DIMT1: variants seen among roughly 807,000 people sequenced by gnomAD.
DIMT1 encodes the protein dimethyladenosine transferase.
In DIMT1, 36 loss-of-function variants were observed where a neutral mutation model predicts 43.2. The ratio of observed to expected loss-of-function variants is 0.83; its 90% CI spans 0.64 to 1.10. The LOEUF (loss-of-function observed/expected upper bound fraction) is 1.10. Ranked by LOEUF, DIMT1 falls within the 50% of genes least tolerant of loss-of-function variation. DIMT1 has a pLI of 0.00. For missense variants in DIMT1, 341 were observed against 385.3 expected (o/e 0.88, Z 0.96); for synonymous variants, 126 against 130.3 (o/e 0.97, Z 0.22).
rs1300481801 is a variant in DIMT1, at chr5:62,388,189, G to T, written c.*821C>A. ...TTGTCCAGAAATCATAGGAATACTG[G>T]GAACCTGTAGTTATGGGAAATGGCT... On this transcript the variant is annotated 3_prime_UTR_variant, in exon 12 of 12. Coordinates refer to ENST00000199320, the MANE Select transcript of DIMT1 (RefSeq NM_014473.4). The T allele has an allele frequency of 6.6e-6, 1 of 152,064 alleles. No individual in the cohort carries two copies. Among genetic ancestry groups the T allele is most frequent in the Non-Finnish European group, 1.5e-5 (1 of 68,012 alleles). The allele number at this position is 152,064 out of a possible 1,614,324, so 9.4% of individuals were successfully genotyped here.
At chr5:62,391,776 A>G in intron 10 of DIMT1, 1 of 1,388,120 alleles carries the variant, frequency 7.2e-7, no homozygotes, top group East Asian at 2.6e-5. Flanking sequence ...TAATAACTAT[A>G]TTTGTAACTG....
chr5:62,398,770 T>C (rs533789607), intron 4 of DIMT1, 31 bp from the exon 5 acceptor site: 4 of 1,613,868 alleles, frequency 2.5e-6, no homozygotes, highest in African/African-American at 1.3e-5. Context: ...GTAAAAAGAA[T>C]GTTGTTTCAT....
intron 3 of DIMT1, 150 bp from the exon 4 acceptor site, chr5:62,399,031 C>A: frequency 2.9e-6 from 2 of 696,314 alleles, no homozygotes; most frequent in Non-Finnish European, 2.4e-6. Flanking sequence ...TCGCATACTT[C>A]AAACAACAAA....
intron 2 of DIMT1, among the ~76,000 whole-genome samples, chr5:62,402,772 C>T (rs1742751845): frequency 6.6e-6 from 1 of 152,128 alleles, no homozygotes; most frequent in South Asian, 2.1e-4. Context: ...TAATCTGCAC[C>T]GTGTGTATTT....
intron 6 of DIMT1, 38 bp from the exon 7 acceptor site, chr5:62,394,645 T>C (rs370275133): frequency 1.2e-6 from 2 of 1,608,812 alleles, no homozygotes; most frequent in African/African-American, 2.7e-5. Flanking sequence ...AAAATGGTCA[T>C]TGTCAACTAT....
In DIMT1 at chr5:62,398,871, C is replaced by T. The variant is rs1411557544; in HGVS notation, c.251G>A (p.Cys84Tyr). 3.1e-6 allele frequency: 5 copies of T among 1,611,946 alleles called. No homozygotes were observed. The highest frequency in any genetic ancestry group is 1.3e-5 in the African/African-American group (1 of 74,974). ...LLEKAKKVVACELDPRLVAEL... is the reference protein window; with the variant it reads ...LLEKAKKVVAYELDPRLVAEL... ...AGCTACTAGCCTTGGGTCAAGTTCACAAGCAACAACCTAATTTAAAAAAAA... is the reference window on the plus strand; with the variant it reads ...AGCTACTAGCCTTGGGTCAAGTTCATAAGCAACAACCTAATTTAAAAAAAA... Residue 84 changes from cysteine to tyrosine, a missense_variant, in exon 4 of 12, where the codon TGT becomes TAT. Physicochemically the swap from Cys to Tyr is radical, Grantham distance 194. Transcript: ENST00000199320.
At position 62,388,433 on chromosome 5, in the gene DIMT1, C is replaced by T. The variant is rs1342817303; in HGVS notation, c.*577G>A. 2 of 152,346 alleles carry T rather than the reference C, an allele frequency of 1.3e-5. No individual in the cohort carries two copies. The highest frequency in any genetic ancestry group is 2.9e-5 in the Non-Finnish European group (2 of 68,218). The allele number at this position is 152,346 out of a possible 1,614,324, so 9.4% of individuals were successfully genotyped here. A position where few individuals can be genotyped will look rare whatever the true frequency, so the allele number is the denominator to read the frequency against. ...TGGGCTTACCCAGAACCCTAAGTCT[C>T]TGACGCTATAGGATAGCGAAAGAGG... On this transcript the variant is annotated 3_prime_UTR_variant, in exon 12 of 12. Transcript: ENST00000199320.
intron 10 of DIMT1, chr5:62,391,868 A>AT: frequency 1.3e-6 from 2 of 1,518,154 alleles, no homozygotes; most frequent in Non-Finnish European, 1.8e-6. Flanking sequence ...CAAGCTACAC[A>AT]TATCTACAGC....
chr5:62,401,760 T>G (rs1408356411), intron 3 of DIMT1, among the ~76,000 whole-genome samples: 12 of 151,464 alleles, frequency 7.9e-5, no homozygotes, highest in African/African-American at 2.9e-4. Flanking sequence ...TTTTTGTATT[T>G]TTAGTTGAGA....
intron 11 of DIMT1, among the ~76,000 whole-genome samples, chr5:62,389,825 T>C (rs912658043): frequency 3.3e-5 from 5 of 152,170 alleles, no homozygotes; most frequent in African/African-American, 1.2e-4. Context: ...GTTAGTAAAC[T>C]GCACATGCCC....
intron 6 of DIMT1, among the ~76,000 whole-genome samples, chr5:62,396,894 C>A (rs945720636): frequency 1.3e-5 from 2 of 152,190 alleles, no homozygotes; most frequent in African/African-American, 4.8e-5. Context: ...ACTGGTAAAG[C>A]CATATTTCAT....
chr5:62,403,885 C>G lies in DIMT1; in HGVS notation c.-113G>C. 8.5e-7 allele frequency: 1 copy of G among 1,172,986 alleles called. No individual in the cohort carries two copies. The highest frequency in any genetic ancestry group is 2.6e-5 in the East Asian group (1 of 38,928). 72.7% of individuals were successfully genotyped at this position (1,172,986 alleles called of 1,614,324 possible). A position where few individuals can be genotyped will look rare whatever the true frequency, so the allele number is the denominator to read the frequency against. ...CCACGCGCCGCCCGCACCACTCTGG[C>G]CCAAGCGCCGGAGGGGCAAGGGTCC... On this transcript the variant is annotated 5_prime_UTR_variant, in exon 1 of 12. Coordinates refer to ENST00000199320, the MANE Select transcript of DIMT1 (RefSeq NM_014473.4).
At chr5:62,402,163 C>G in intron 2 of DIMT1, 41 bp from the exon 3 acceptor site, 1 of 1,593,948 alleles carries the variant, frequency 6.3e-7, no homozygotes, top group Non-Finnish European at 8.6e-7. Flanking sequence ...CTGGCAACAT[C>G]AGAACACAGA....
rs757322737 is a variant in DIMT1 at position 62,398,529 on chromosome 5, A to G, written c.428T>C (p.Leu143Pro). The change falls in exon 6 of 12, where the codon CTA (leucine) becomes CCA (proline). Residue 143 changes from leucine to proline, a missense_variant. Coordinates refer to ENST00000199320, the MANE Select transcript of DIMT1 (RefSeq NM_014473.4). ...CACAAACCTGAAAAAAGGTCGATGT[A>G]GCAACAGCTTGAAGACAAAAGGTGA... ...ISSPFVFKLL[L>P]HRPFFRCAIL... 30 of 1,612,752 alleles carry G rather than the reference A, an allele frequency of 1.9e-5. No individual in the cohort carries two copies. Among genetic ancestry groups the G allele is most frequent in the Admixed American group, 3.3e-5 (2 of 59,992 alleles).
rs1022752554 is a variant in DIMT1, at chr5:62,403,888, A to G, written c.-116T>C. On this transcript the variant is annotated 5_prime_UTR_variant, in exon 1 of 12. Transcript: ENST00000199320. ...CGCGCCGCCCGCACCACTCTGGCCC[A>G]AGCGCCGGAGGGGCAAGGGTCCGCC... 5 of 1,147,140 alleles carry G rather than the reference A, an allele frequency of 4.4e-6. No homozygotes were observed. The Admixed American group carries it at 1.3e-4, about 29-fold the overall frequency. The allele number at this position is 1,147,140 out of a possible 1,614,324, so 71.1% of individuals were successfully genotyped here. A position where few individuals can be genotyped will look rare whatever the true frequency, so the allele number is the denominator to read the frequency against.
intron 6 of DIMT1, among the ~76,000 whole-genome samples, chr5:62,396,608 G>C (rs1169490065): frequency 6.6e-6 from 1 of 152,156 alleles, no homozygotes; most frequent in African/African-American, 2.4e-5. Context: ...TCTGATGAGA[G>C]GAAGGAGTAG....
intron 9 of DIMT1, chr5:62,392,714 C>CA (rs1315984477): frequency 2.3e-6 from 1 of 436,756 alleles, no homozygotes; most frequent in Non-Finnish European, 4.0e-6. Flanking sequence ...CCTGTTTTGC[C>CA]AAAAAATGTG....
chr5:62,400,628 C>T (rs1273062962), intron 3 of DIMT1, among the ~76,000 whole-genome samples: 2 of 152,118 alleles, frequency 1.3e-5, no homozygotes, highest in African/African-American at 2.4e-5. Context: ...AAGCAATCTT[C>T]CTGCCTCAGC....
intron 10 of DIMT1, 154 bp from the exon 11 acceptor site, chr5:62,391,136 C>G (rs1742294601): frequency 5.1e-6 from 3 of 585,324 alleles, no homozygotes; most frequent in Non-Finnish European, 8.9e-6. Context: ...AGACTTGGAT[C>G]TCTAATTAAA....
Sources: allele counts gnomAD v4.1 joint callset (sites outside exome capture counted in the v4.1 genomes callset), GRCh38; gene constraint gnomAD v4.1.1; transcripts MANE v1.5; gene names NCBI Gene and HGNC (gene_info 2026-07-23, HGNC 2026-07-21).